The following YEATS2 variants were observed in gnomAD, a reference collection of about 807,000 sequenced individuals.
The protein encoded by YEATS2 is YEATS domain-containing protein 2.
Under a neutral mutation model 163.2 loss-of-function variants are expected in YEATS2, and 77 were observed. That is an observed-to-expected ratio of 0.47 (90% CI 0.39 to 0.57). The LOEUF is 0.57. YEATS2 is among the 20% of genes least tolerant of loss of function. YEATS2 has a pLI of 0.00. For synonymous variants in YEATS2, 631 were observed against 645.1 expected (o/e 0.98, Z 0.33); for missense variants, 1,549 against 1,729.8 (o/e 0.90, Z 1.85).
chr3:183,767,083 C>T (rs1470221413), intron 15 of YEATS2, among the ~76,000 whole-genome samples: 1 of 152,150 alleles, frequency 6.6e-6, no homozygotes, highest in Non-Finnish European at 1.5e-5. Flanking sequence ...AGAGTTTTTC[C>T]CAACAGAATG....
In YEATS2 at chr3:183,752,150, T is replaced by C; in HGVS notation, c.1047T>C (p.Ser349=). 1 of 1,614,166 alleles carries C rather than the reference T, an allele frequency of 6.2e-7. No homozygotes were observed. The highest frequency in any genetic ancestry group is 8.5e-7 in the Non-Finnish European group (1 of 1,180,022). Reference sequence around the variant, plus strand: ...CTCAGTCCTCGGAGTCTGACATCTCTGATGCCCCTCCATCTTTGCCTTTGA... The same window carrying C: ...CTCAGTCCTCGGAGTCTGACATCTCCGATGCCCCTCCATCTTTGCCTTTGA... ...IYPQSSESDI[S]DAPPSLPLTI... is the part of the protein sequence containing the mutation. Residue 349 remains serine, a synonymous_variant, in exon 10 of 31, where the codon TCT becomes TCC. Coordinates refer to ENST00000305135, the MANE Select transcript of YEATS2 (RefSeq NM_018023.5).
At position 183,772,365 on chromosome 3, in the gene YEATS2, A is replaced by G. The variant is rs1236296119; in HGVS notation, c.2008A>G (p.Ser670Gly). 1 of 1,614,214 alleles carries G rather than the reference A, an allele frequency of 6.2e-7. No individual in the cohort carries two copies. ...PSTVKQAVAISGGQILVAKAS... is the reference protein window; with the variant it reads ...PSTVKQAVAIGGGQILVAKAS... ...AACAGTGAAGCAGGCTGTGGCGATC[A>G]GTGGTGGCCAGATCCTGGTAGCCAA... Residue 670 changes from serine (S) to glycine (G), a missense_variant, in exon 16 of 31, where the codon AGT becomes GGT. Coordinates refer to ENST00000305135, the MANE Select transcript of YEATS2 (RefSeq NM_018023.5).
intron 8 of YEATS2, among the ~76,000 whole-genome samples, chr3:183,738,445 A>G (rs1468396168): frequency 7.9e-6 from 1 of 125,812 alleles, no homozygotes. Flanking sequence ...GTACATGTGC[A>G]CATTGTGCAG....
chr3:183,705,259 A>G (rs532464031), intron 1 of YEATS2, among the ~76,000 whole-genome samples: 1 of 152,262 alleles, frequency 6.6e-6, no homozygotes, highest in Non-Finnish European at 1.5e-5. Context: ...TGTGTTGCCC[A>G]GGGTGGTCTT....
At chr3:183,717,860 C>T (rs879088864) in intron 3 of YEATS2, 112 bp downstream of exon 3, 64 of 277,610 alleles carry the variant, frequency 2.3e-4, no homozygotes, top group South Asian at 1.3e-3. Flanking sequence ...CTCCTCTTTG[C>T]TTTTTTTTTT....
chr3:183,734,597 A>C (rs1290552363), intron 7 of YEATS2, among the ~76,000 whole-genome samples: 1 of 152,216 alleles, frequency 6.6e-6, no homozygotes, highest in Non-Finnish European at 1.5e-5. Context: ...ATGTGGAGGA[A>C]GAATTTACTC....
intron 8 of YEATS2, among the ~76,000 whole-genome samples, chr3:183,744,625 ACAT>A (rs1370014784): frequency 6.6e-6 from 1 of 152,122 alleles, no homozygotes; most frequent in East Asian, 1.9e-4. Flanking sequence ...TTTCTGGAAA[ACAT>A]CATTTTATTG....
At chr3:183,806,735 T>A (rs896898255) in intron 27 of YEATS2, 131 bp from the exon 28 acceptor site, 77 of 824,862 alleles carry the variant, frequency 9.3e-5, no homozygotes, top group Non-Finnish European at 1.3e-4. Context: ...ATCCATAGAA[T>A]GTTAGAACTG....
chr3:183,729,451 T>G (rs1717482939), intron 7 of YEATS2, among the ~76,000 whole-genome samples: 1 of 152,190 alleles, frequency 6.6e-6, no homozygotes, highest in African/African-American at 2.4e-5. Context: ...CTTCTTTTTA[T>G]GAATATCAGA....
rs1327233759 is a variant in YEATS2, at chr3:183,721,956, A to G, written c.357A>G (p.Pro119=). Residue 119 remains proline, a synonymous_variant, in exon 5 of 31, where the codon CCA becomes CCG. Transcript: ENST00000305135. Reference sequence around the variant, plus strand: ...CTATCAAGAAATTTTTGGAATCACCATCTAGGTCATCATCTCCTGCCAATC... The same window carrying G: ...CTATCAAGAAATTTTTGGAATCACCGTCTAGGTCATCATCTCCTGCCAATC... ...HPAIKKFLES[P]SRSSSPANQR... is the part of the protein sequence containing the mutation. 4 of 1,614,050 alleles carry G rather than the reference A, an allele frequency of 2.5e-6. No homozygotes were observed. Among genetic ancestry groups the G allele is most frequent in the Admixed American group, 3.3e-5 (2 of 59,998 alleles).
chr3:183,769,930 C>G, intron 15 of YEATS2, among the ~76,000 whole-genome samples: 1 of 151,794 alleles, frequency 6.6e-6, no homozygotes, highest in African/African-American at 2.4e-5. Context: ...TGTGATCCGC[C>G]CGCCTCAGCC....
chr3:183,729,629 A>G (rs1717500418), intron 7 of YEATS2, among the ~76,000 whole-genome samples: 1 of 151,928 alleles, frequency 6.6e-6, no homozygotes, highest in Admixed American at 6.6e-5. Context: ...GAATGATTAT[A>G]TATATTGTTG....
chr3:183,774,736 T>C (rs1010104534), intron 17 of YEATS2, among the ~76,000 whole-genome samples: 37 of 152,192 alleles, frequency 2.4e-4, no homozygotes, highest in African/African-American at 8.7e-4. Context: ...TTCAGGGTCA[T>C]TGGAAGTTAA....
intron 2 of YEATS2, among the ~76,000 whole-genome samples, chr3:183,716,788 A>G (rs1180648795): frequency 6.6e-6 from 1 of 152,032 alleles, no homozygotes; most frequent in Admixed American, 6.6e-5. Context: ...ACAATCTGCT[A>G]TTCTTTTTCT....
chr3:183,801,500 AAAG>A lies in YEATS2; in HGVS notation c.3479_3481del (p.Lys1160del). ...TCCAGCAACTCCTAACTGCAGTAGT[AAAG>A]AAGATTCCATTAATCACTGCAAAAA... On this transcript the variant is annotated inframe_deletion, in exon 25 of 31. Transcript: ENST00000305135. 6.2e-7 allele frequency: 1 copy of A among 1,611,238 alleles called. No homozygotes were observed. The highest frequency in any genetic ancestry group is 8.5e-7 in the Non-Finnish European group (1 of 1,178,636).
At chr3:183,810,331 G>A (rs1199036123) in intron 30 of YEATS2, 144 bp from the exon 31 acceptor site, 1 of 661,198 alleles carries the variant, frequency 1.5e-6, no homozygotes, top group Non-Finnish European at 2.7e-6. Flanking sequence ...TCACCCCAGA[G>A]TGGCCCTAAG....
intron 21 of YEATS2, among the ~76,000 whole-genome samples, chr3:183,794,774 AT>A (rs1279374996): frequency 6.6e-6 from 1 of 152,192 alleles, no homozygotes; most frequent in African/African-American, 2.4e-5. Context: ...AAGAAAGGGT[AT>A]ATAAGTGCCG....
At chr3:183,741,786 G>T (rs982426618) in intron 8 of YEATS2, among the ~76,000 whole-genome samples, 5 of 150,800 alleles carry the variant, frequency 3.3e-5, no homozygotes, top group African/African-American at 1.2e-4. Context: ...ATCTCAAAAA[G>T]AAAAAAAAGA....
intron 17 of YEATS2, 43 bp from the exon 18 acceptor site, chr3:183,775,872 T>G: frequency 6.2e-7 from 1 of 1,609,996 alleles, no homozygotes; most frequent in Non-Finnish European, 8.5e-7. Flanking sequence ...AAAGCTTTGC[T>G]TGATACTTTT....
Sources: allele counts gnomAD v4.1 joint callset (sites outside exome capture counted in the v4.1 genomes callset), GRCh38; gene constraint gnomAD v4.1.1; transcripts MANE v1.5; gene names NCBI Gene and HGNC (gene_info 2026-07-23, HGNC 2026-07-21).